Variants in PCDHGA3 observed in about 807,000 individuals in gnomAD.
PCDHGA3 encodes protocadherin gamma subfamily A, 3, also known as protocadherin gamma-A3.
A neutral mutation model predicts 58.5 loss-of-function variants in PCDHGA3; 40 were observed. That is an observed-to-expected ratio of 0.68 (90% CI 0.53 to 0.89). PCDHGA3 has a LOEUF of 0.89. Among genes scored for constraint, PCDHGA3 ranks in the 40% least tolerant of loss-of-function variants. PCDHGA3 has a pLI of 0.00. For missense variants in PCDHGA3, 1,223 were observed against 1,195.9 expected (o/e 1.02, Z -0.33); for synonymous variants, 530 against 525.7 (o/e 1.01, Z -0.11).
intron 1 of PCDHGA3, chr5:141,397,999 G>GA (rs2093596115): frequency 2.9e-6 from 4 of 1,387,690 alleles, no homozygotes; most frequent in African/African-American, 2.9e-5. Flanking sequence ...TTCCTCCTCG[G>GA]AAAAAGAATC....
rs1224625072 is a variant in PCDHGA3 at position 141,490,972 on chromosome 5, C to A, written c.2425-3835C>A. On this transcript the variant is annotated intron_variant, in intron 1 of 3. Transcript: ENST00000253812. The surrounding 1 kb of genome is among the most constrained non-coding windows in gnomAD (Gnocchi z 5.4). ...AGACTGGGAACACTCAGCCCCCCAG[C>A]GTCTCCCTCGCTCTGCTCCTCCTGG... is the stretch of plus-strand genomic sequence containing the variant. 2 of 1,613,912 alleles carry A rather than the reference C, an allele frequency of 1.2e-6. No individual in the cohort carries two copies. Among genetic ancestry groups the A allele is most frequent in the Non-Finnish European group, 1.7e-6 (2 of 1,179,922 alleles).
chr5:141,382,729 A>G, intron 1 of PCDHGA3: 1 of 548,650 alleles, frequency 1.8e-6, no homozygotes, highest in Non-Finnish European at 3.1e-6. Flanking sequence ...GTTTTACAGC[A>G]CAGAGAAACG....
intron 1 of PCDHGA3, among the ~76,000 whole-genome samples, chr5:141,346,791 G>A (rs1757804797): frequency 6.6e-6 from 1 of 152,184 alleles, no homozygotes; most frequent in Non-Finnish European, 1.5e-5. Flanking sequence ...TAACTATGAT[G>A]AGAGAAACAC....
In PCDHGA3 at chr5:141,511,286, G is replaced by A. The variant is rs1231704933; in HGVS notation, c.*113G>A. On this transcript the variant is annotated 3_prime_UTR_variant, in exon 4 of 4. Coordinates refer to ENST00000253812, the MANE Select transcript of PCDHGA3 (RefSeq NM_018916.4). The stretch of plus-strand genomic sequence containing the variant: ...GGCTAACCCCCAGAATACTGGTAGG[G>A]GCCAAGGCCATGCTCCCCTTGGGAA... 2 of 1,520,242 alleles carry A rather than the reference G, an allele frequency of 1.3e-6. No individual in the cohort carries two copies. The allele number at this position is 1,520,242 out of a possible 1,614,324, so 94.2% of individuals were successfully genotyped here.
chr5:141,497,740 C>G (rs954595046), intron 2 of PCDHGA3, among the ~76,000 whole-genome samples: 9 of 152,054 alleles, frequency 5.9e-5, no homozygotes, highest in African/African-American at 2.2e-4. Context: ...GGTTTCGCCA[C>G]GTTGGCCAGG....
chr5:141,390,025 G>T lies in PCDHGA3; in HGVS notation c.2424+43568G>T, dbSNP rs762363185. On this transcript the variant is annotated intron_variant, in intron 1 of 3. Coordinates refer to ENST00000253812, the MANE Select transcript of PCDHGA3 (RefSeq NM_018916.4). ...ATTCTGGCCATTGCCTTGCGCCTGC[G>T]ACGCTCCTCCAGCCCCGCCTCCTGG... The T allele has an allele frequency of 3.0e-5, 48 of 1,613,882 alleles. No individual in the cohort carries two copies. The East Asian group carries it at 1.1e-3, about 36-fold the overall frequency.
rs1472436870 is a variant in PCDHGA3, at chr5:141,365,479, A to G, written c.2424+19022A>G. On this transcript the variant is annotated intron_variant, in intron 1 of 3. Transcript: ENST00000253812. ...ATTCTGGAGAAAATGGTGAGATTGCATGCTCTATTCCTAGGAATTTGCCTT... is the reference window on the plus strand; with the variant it reads ...ATTCTGGAGAAAATGGTGAGATTGCGTGCTCTATTCCTAGGAATTTGCCTT... 5 of 1,613,906 alleles carry G rather than the reference A, an allele frequency of 3.1e-6. No individual in the cohort carries two copies. The East Asian group carries it at 8.9e-5, about 29-fold the overall frequency.
Position 141,365,890 on chromosome 5 carries a change from C to T in PCDHGA3, c.2424+19433C>T, listed in dbSNP as rs780121604. On this transcript the variant is annotated intron_variant, in intron 1 of 3. Transcript: ENST00000253812. ...GTGTCCTGTATGCTCTGAGATCCTT[C>T]GACTATGAGCAGTTGAGAGACCTAC... The T allele has an allele frequency of 3.1e-6, 5 of 1,614,140 alleles. No individual in the cohort carries two copies. The Admixed American group carries it at 6.7e-5, about 22-fold the overall frequency.
At chr5:141,375,331 C>A (rs755265511) in intron 1 of PCDHGA3, 1 of 1,613,806 alleles carries the variant, frequency 6.2e-7, no homozygotes, top group East Asian at 2.2e-5. Flanking sequence ...AAGAGGTATT[C>A]TTGTACAACA....
chr5:141,481,736 G>A (rs569415213), intron 1 of PCDHGA3, among the ~76,000 whole-genome samples: 23 of 151,934 alleles, frequency 1.5e-4, no homozygotes, highest in African/African-American at 4.3e-4. Flanking sequence ...GGCGGATCAC[G>A]AGGTCAGGAG....
intron 1 of PCDHGA3, among the ~76,000 whole-genome samples, chr5:141,437,390 A>T (rs1422429346): frequency 6.6e-6 from 1 of 152,248 alleles, no homozygotes; most frequent in Non-Finnish European, 1.5e-5. Flanking sequence ...ACATTCATCC[A>T]CTGCTTTCAT....
chr5:141,475,679 T>A (rs967189869), intron 1 of PCDHGA3, among the ~76,000 whole-genome samples: 2 of 152,236 alleles, frequency 1.3e-5, no homozygotes, highest in African/African-American at 4.8e-5. Flanking sequence ...GAGTCTTGAT[T>A]TGGATTGGAG....
intron 1 of PCDHGA3, among the ~76,000 whole-genome samples, chr5:141,386,767 T>A (rs749741311): frequency 5.3e-5 from 8 of 152,202 alleles, no homozygotes; most frequent in Non-Finnish European, 1.0e-4. Flanking sequence ...TTATAAGGTA[T>A]TTTGTAAAAG....
intron 1 of PCDHGA3, chr5:141,427,227 A>G (rs111948686): frequency 8.8e-6 from 4 of 456,798 alleles, no homozygotes; most frequent in African/African-American, 4.0e-5. Flanking sequence ...CAGTTATACC[A>G]TGAGAGTAGA....
chr5:141,469,962 C>T (rs943032320), intron 1 of PCDHGA3, among the ~76,000 whole-genome samples: 8 of 152,134 alleles, frequency 5.3e-5, no homozygotes, highest in African/African-American at 1.9e-4. Flanking sequence ...GAAACCCCAT[C>T]TGTACCAAAA....
At chr5:141,370,736 A>C (rs1444909580) in intron 1 of PCDHGA3, 1 of 1,613,780 alleles carries the variant, frequency 6.2e-7, no homozygotes, top group Non-Finnish European at 8.5e-7. Flanking sequence ...AAAAGCCTTT[A>C]AACTTTTTTC....
At chr5:141,356,208 A>T in intron 1 of PCDHGA3, 1 of 1,605,906 alleles carries the variant, frequency 6.2e-7, no homozygotes, top group African/African-American at 1.3e-5. Flanking sequence ...TACTGGTGAC[A>T]GTTCTGGATG....
chr5:141,350,461 T>G, intron 1 of PCDHGA3: 1 of 1,613,880 alleles, frequency 6.2e-7, no homozygotes, highest in African/African-American at 1.3e-5. Context: ...TGCGGGTTAG[T>G]GCAGAGGATT....
chr5:141,387,740 C>T lies in PCDHGA3; in HGVS notation c.2424+41283C>T, dbSNP rs952205441. The T allele has an allele frequency of 3.8e-6, 5 of 1,328,736 alleles. No individual in the cohort carries two copies. In the African/African-American group the frequency reaches 5.9e-5, roughly 16 times the overall value. The allele number at this position is 1,328,736 out of a possible 1,614,324, so 82.3% of individuals were successfully genotyped here. ...GACTCCCCAGCGCCAGCCTTTACAC[C>T]GCTTCCTCCTCGGAAAAAGAAGAAT... On this transcript the variant is annotated intron_variant, in intron 1 of 3. Coordinates refer to ENST00000253812, the MANE Select transcript of PCDHGA3 (RefSeq NM_018916.4).
Sources: allele counts gnomAD v4.1 joint callset (sites outside exome capture counted in the v4.1 genomes callset), GRCh38; gene constraint gnomAD v4.1.1; non-coding constraint Gnocchi (gnomAD v3.1); transcripts MANE v1.5; gene names NCBI Gene and HGNC (gene_info 2026-07-23, HGNC 2026-07-21).